The following PLPP1 variants were observed in gnomAD, a reference collection of about 807,000 sequenced individuals.
PLPP1 encodes the protein lipid phosphate phosphohydrolase 1a.
In PLPP1, 24 loss-of-function variants were observed where a neutral mutation model predicts 31.2. That is an observed-to-expected ratio of 0.77 (90% CI 0.56 to 1.08). PLPP1 has a LOEUF of 1.08. PLPP1 is among the 50% of genes least tolerant of loss of function. The probability of loss-of-function intolerance (pLI) is 0.00; values close to 1 mark genes in which losing one functional copy is unlikely to be tolerated. For missense variants in PLPP1, 319 were observed against 342.7 expected (o/e 0.93, Z 0.55); for synonymous variants, 146 against 126.3 (o/e 1.16, Z -1.05).
At chr5:55,451,632 G>T (rs747696482) in intron 3 of PLPP1, among the ~76,000 whole-genome samples, 32 of 151,794 alleles carry the variant, frequency 2.1e-4, no homozygotes, top group Admixed American at 1.2e-3. Context: ...CATGATCTCG[G>T]CTCACTGCAA....
Position 55,533,678 on chromosome 5 carries a change from C to CA in PLPP1, c.58+893dup, listed in dbSNP as rs1397157718. On this transcript the variant is annotated intron_variant, in intron 1 of 5. Coordinates refer to ENST00000307259, the MANE Select transcript of PLPP1 (RefSeq NM_003711.4). The stretch of plus-strand genomic sequence containing the variant: ...ACATGAGTAGGACTATCCAAACCTC[C>CA]AGCAGCTCTTGCTTTGTTTTTGTTT... Among the ~76,000 whole-genome samples, 3 of 152,312 alleles carry CA rather than the reference C, an allele frequency of 2.0e-5. No individual in the cohort carries two copies. The East Asian group carries it at 5.8e-4, about 29-fold the overall frequency.
chr5:55,474,066 G>A (rs1315957252), intron 2 of PLPP1, among the ~76,000 whole-genome samples: 2 of 149,388 alleles, frequency 1.3e-5, no homozygotes, highest in African/African-American at 4.9e-5. Flanking sequence ...GTGCAATCTC[G>A]GCTCACTGCA....
intron 1 of PLPP1, among the ~76,000 whole-genome samples, chr5:55,499,785 G>A (rs1753095331): frequency 6.6e-6 from 1 of 151,808 alleles, no homozygotes; most frequent in Non-Finnish European, 1.5e-5. Context: ...ATAAGTCACC[G>A]CAATGCTAAG....
At chr5:55,531,759 G>A (rs796928980) in intron 1 of PLPP1, among the ~76,000 whole-genome samples, 1 of 152,124 alleles carries the variant, frequency 6.6e-6, no homozygotes. Context: ...TATATAACAC[G>A]TGTCTTCCAA....
chr5:55,520,776 T>C (rs1297099920), intron 1 of PLPP1, among the ~76,000 whole-genome samples: 1 of 152,256 alleles, frequency 6.6e-6, no homozygotes, highest in Middle Eastern at 3.2e-3. Flanking sequence ...CCTATTAATG[T>C]GGATAGACTC....
intron 1 of PLPP1, among the ~76,000 whole-genome samples, chr5:55,510,455 G>C (rs904279976): frequency 6.6e-6 from 1 of 152,278 alleles, no homozygotes; most frequent in Middle Eastern, 3.4e-3. Context: ...TCAGTATCTT[G>C]ATTGTATCTG....
At chr5:55,519,451 A>C (rs1753617611) in intron 1 of PLPP1, among the ~76,000 whole-genome samples, 1 of 152,196 alleles carries the variant, frequency 6.6e-6, no homozygotes, top group South Asian at 2.1e-4. Context: ...TTTTTTAAAA[A>C]TTTTAAGAAA....
chr5:55,505,955 G>A (rs1753265463), intron 1 of PLPP1, among the ~76,000 whole-genome samples: 1 of 152,230 alleles, frequency 6.6e-6, no homozygotes, highest in Non-Finnish European at 1.5e-5. Context: ...TACTCTGGAA[G>A]CTGAGGCAGG....
chr5:55,425,846 T>C lies in PLPP1; in HGVS notation c.726+17A>G. The C allele has an allele frequency of 3.2e-6, 5 of 1,563,292 alleles. No individual in the cohort carries two copies. The highest frequency in any genetic ancestry group is 2.3e-5 in the East Asian group (1 of 44,080). On this transcript the variant is annotated intron_variant, in intron 5 of 5. Coordinates refer to ENST00000307259, the MANE Select transcript of PLPP1 (RefSeq NM_003711.4). ...TTTAGCAATATCAAGATGTAGGCTGTTGACCTGTATACTTACAACTAATAT... is the reference window on the plus strand; with the variant it reads ...TTTAGCAATATCAAGATGTAGGCTGCTGACCTGTATACTTACAACTAATAT...
chr5:55,529,504 G>T (rs1740582399), intron 1 of PLPP1, among the ~76,000 whole-genome samples: 1 of 152,014 alleles, frequency 6.6e-6, no homozygotes, highest in African/African-American at 2.4e-5. Context: ...ATTACCAAAT[G>T]CCCATGAAAG....
At chr5:55,481,208 T>A (rs1319982174) in intron 1 of PLPP1, among the ~76,000 whole-genome samples, 1 of 152,190 alleles carries the variant, frequency 6.6e-6, no homozygotes, top group African/African-American at 2.4e-5. Context: ...ACTAACAGTT[T>A]TATTTAGAAA....
intron 1 of PLPP1, among the ~76,000 whole-genome samples, chr5:55,504,359 TC>T (rs1403295644): frequency 8.5e-5 from 3 of 35,268 alleles, no homozygotes; most frequent in African/African-American, 2.5e-4. Context: ...AGACTCTGTA[TC>T]AAAAAAAAAA....
intron 4 of PLPP1, among the ~76,000 whole-genome samples, chr5:55,438,765 G>A (rs1256234651): frequency 6.6e-6 from 1 of 152,106 alleles, no homozygotes; most frequent in Non-Finnish European, 1.5e-5. Context: ...GCCGGGCGTG[G>A]TGGCGGGCGC....
chr5:55,497,050 A>G (rs1753017166), intron 1 of PLPP1, among the ~76,000 whole-genome samples: 1 of 152,176 alleles, frequency 6.6e-6, no homozygotes, highest in Admixed American at 6.5e-5. Context: ...TGATTCATGT[A>G]CCCACTCCCT....
At chr5:55,482,916 T>TA (rs147662112) in intron 1 of PLPP1, among the ~76,000 whole-genome samples, 1 of 152,104 alleles carries the variant, frequency 6.6e-6, no homozygotes, top group Non-Finnish European at 1.5e-5. Flanking sequence ...GCAGCTTCTC[T>TA]AAAAAAATAT....
intron 3 of PLPP1, among the ~76,000 whole-genome samples, chr5:55,450,272 A>G (rs1751864030): frequency 6.6e-6 from 1 of 152,174 alleles, no homozygotes; most frequent in South Asian, 2.1e-4. Context: ...ACTGACATCT[A>G]CAGATATTAG....
intron 1 of PLPP1, among the ~76,000 whole-genome samples, chr5:55,517,397 A>C (rs1053706031): frequency 5.3e-5 from 8 of 152,026 alleles, no homozygotes; most frequent in Admixed American, 3.3e-4. Flanking sequence ...AGGTTTTGCC[A>C]TGTTGCCCAG....
chr5:55,448,156 G>C (rs1162411370), intron 3 of PLPP1, among the ~76,000 whole-genome samples: 1 of 152,092 alleles, frequency 6.6e-6, no homozygotes, highest in African/African-American at 2.4e-5. Flanking sequence ...GTTTATTTCA[G>C]AAAGATTTTG....
chr5:55,462,686 G>T (rs1752191537), intron 3 of PLPP1, among the ~76,000 whole-genome samples: 1 of 152,192 alleles, frequency 6.6e-6, no homozygotes, highest in African/African-American at 2.4e-5. Context: ...AGAAAATAAA[G>T]CAGCCAGCTG....
Sources: allele counts gnomAD v4.1 joint callset (sites outside exome capture counted in the v4.1 genomes callset), GRCh38; gene constraint gnomAD v4.1.1; transcripts MANE v1.5; gene names NCBI Gene and HGNC (gene_info 2026-07-23, HGNC 2026-07-21).